Variants in GRK3 observed in about 807,000 individuals in gnomAD.
The protein encoded by GRK3 is adrenergic, beta, receptor kinase 2.
Under a neutral mutation model 95.7 loss-of-function variants are expected in GRK3, and 54 were observed. The observed-to-expected ratio is 0.56, with a 90% CI of 0.45 to 0.71. The LOEUF is 0.71. GRK3 is among the 30% of genes least tolerant of loss of function. GRK3 has a pLI of 0.00. For synonymous variants in GRK3, 281 were observed against 290.8 expected (o/e 0.97, Z 0.34); for missense variants, 649 against 851.2 (o/e 0.76, Z 2.96).
chr22:25,718,880 C>T lies in GRK3; in HGVS notation c.1791+499C>T, dbSNP rs377317889. ...CAAACAACCAAGGAGAGAAAATATG[C>T]GGGAAAAAGAAATTTAAAATAACAA... On this transcript the variant is annotated intron_variant, in intron 19 of 20. Coordinates refer to ENST00000324198, the MANE Select transcript of GRK3 (RefSeq NM_005160.4). Among the ~76,000 whole-genome samples, 66 of 151,764 alleles carry T rather than the reference C, an allele frequency of 4.3e-4. No homozygotes were observed. The Middle Eastern group carries it at 0.014, about 31-fold the overall frequency.
intron 8 of GRK3, among the ~76,000 whole-genome samples, chr22:25,677,377 T>TGAAAAA (rs2085038610): frequency 4.7e-5 from 2 of 42,554 alleles, no homozygotes; most frequent in African/African-American, 2.1e-4. Context: ...CCCCATATCT[T>TGAAAAA]AAAAAAAAAA....
intron 3 of GRK3, among the ~76,000 whole-genome samples, chr22:25,649,458 T>C (rs891714952): frequency 5.3e-5 from 8 of 152,028 alleles, no homozygotes; most frequent in African/African-American, 1.7e-4. Flanking sequence ...CCAAAGAAAA[T>C]AGAGCTAAGA....
intron 16 of GRK3, 140 bp downstream of exon 16, chr22:25,710,104 T>C: frequency 2.9e-6 from 2 of 698,518 alleles, no homozygotes; most frequent in Non-Finnish European, 5.3e-6. Flanking sequence ...ACCACCCACC[T>C]CCCCCAGCAT....
intron 9 of GRK3, among the ~76,000 whole-genome samples, chr22:25,684,959 A>G (rs191315850): frequency 3.9e-5 from 6 of 152,358 alleles, no homozygotes; most frequent in African/African-American, 9.6e-5. Context: ...ATAATGTGTG[A>G]AGTGATGGAT....
chr22:25,698,766 C>T (rs995048129), intron 13 of GRK3, among the ~76,000 whole-genome samples: 4 of 152,124 alleles, frequency 2.6e-5, no homozygotes, highest in Admixed American at 2.6e-4. Flanking sequence ...AATGGAGGAA[C>T]CGAGACAGGA....
chr22:25,649,053 C>G, intron 3 of GRK3: 1 of 1,448,022 alleles, frequency 6.9e-7, no homozygotes, highest in South Asian at 1.1e-5. Flanking sequence ...AATACTGGAA[C>G]AGGTGGAGCG....
intron 1 of GRK3, chr22:25,581,513 G>C (rs1932099097): frequency 6.6e-6 from 1 of 152,160 alleles, no homozygotes; most frequent in African/African-American, 2.4e-5. Context: ...TCAAAAAGAG[G>C]CTCTGTGACA....
chr22:25,690,340 G>C (rs942238666), intron 12 of GRK3, 57 bp downstream of exon 12: 13 of 1,266,800 alleles, frequency 1.0e-5, no homozygotes, highest in Non-Finnish European at 1.4e-5. Flanking sequence ...TTTCAAAGGC[G>C]TGGCCATTTG....
At chr22:25,663,825 C>T in intron 5 of GRK3, 121 bp downstream of exon 5, 1 of 670,050 alleles carries the variant, frequency 1.5e-6, no homozygotes, top group Non-Finnish European at 2.6e-6. Context: ...GTGTTCTATT[C>T]TGGAGCTTTG....
At chr22:25,707,304 G>A (rs1397785855) in intron 15 of GRK3, among the ~76,000 whole-genome samples, 1 of 152,198 alleles carries the variant, frequency 6.6e-6, no homozygotes, top group Non-Finnish European at 1.5e-5. Flanking sequence ...TTAATGTGTT[G>A]ACAATGATGG....
intron 1 of GRK3, among the ~76,000 whole-genome samples, chr22:25,596,433 A>G (rs1293231265): frequency 6.6e-6 from 1 of 152,260 alleles, no homozygotes; most frequent in Non-Finnish European, 1.5e-5. Context: ...GAACATTTTA[A>G]TATCTAGTTT....
intron 2 of GRK3, among the ~76,000 whole-genome samples, chr22:25,626,644 G>A (rs1191117005): frequency 2.6e-5 from 4 of 152,208 alleles, no homozygotes; most frequent in Admixed American, 6.5e-5. Context: ...AAGTTAAAAT[G>A]AATTGGGGCA....
At chr22:25,716,827 G>C (rs1357206073) in intron 18 of GRK3, among the ~76,000 whole-genome samples, 1 of 152,272 alleles carries the variant, frequency 6.6e-6, no homozygotes, top group Non-Finnish European at 1.5e-5. Flanking sequence ...CAGGAGATCA[G>C]TGCTGGGCGA....
intron 1 of GRK3, among the ~76,000 whole-genome samples, chr22:25,603,696 G>A (rs1033552942): frequency 6.6e-6 from 1 of 152,208 alleles, no homozygotes; most frequent in East Asian, 1.9e-4. Flanking sequence ...ATAAATTTGG[G>A]TAGACTTCAA....
intron 8 of GRK3, among the ~76,000 whole-genome samples, chr22:25,678,392 T>C (rs1267809332): frequency 2.0e-5 from 3 of 152,132 alleles, no homozygotes; most frequent in Non-Finnish European, 4.4e-5. Context: ...AAGGTGGAGC[T>C]TGAAGTGAGC....
intron 16 of GRK3, 41 bp downstream of exon 16, chr22:25,710,005 C>G (rs776813420): frequency 3.7e-6 from 5 of 1,359,964 alleles, no homozygotes; most frequent in Non-Finnish European, 5.3e-6. Context: ...TACTGCCGCC[C>G]CGCCCTTACC....
chr22:25,607,462 C>T (rs1239968659), intron 2 of GRK3, among the ~76,000 whole-genome samples: 2 of 152,034 alleles, frequency 1.3e-5, no homozygotes, highest in South Asian at 2.1e-4. Context: ...ACATTGCCCC[C>T]GCCAGCACAT....
intron 12 of GRK3, among the ~76,000 whole-genome samples, chr22:25,693,937 A>G (rs1383548137): frequency 2.0e-5 from 3 of 152,064 alleles, no homozygotes; most frequent in East Asian, 1.9e-4. Flanking sequence ...GATTACAGGC[A>G]TGCGCCACCA....
intron 3 of GRK3, among the ~76,000 whole-genome samples, chr22:25,651,778 G>A (rs1219019319): frequency 6.6e-6 from 1 of 152,138 alleles, no homozygotes; most frequent in African/African-American, 2.4e-5. Context: ...CTAACTTAAT[G>A]TGTATTCATT....
Sources: gnomAD v4.1 joint callset for allele counts (sites outside exome capture counted in the v4.1 genomes callset) on GRCh38, gnomAD v4.1.1 for gene constraint, MANE v1.5 for transcripts, NCBI Gene and HGNC (gene_info 2026-07-23, HGNC 2026-07-21) for gene names.